TOP1MT: variants seen among roughly 807,000 people sequenced by gnomAD.
TOP1MT encodes DNA topoisomerase I, mitochondrial.
TOP1MT carries 80 observed loss-of-function variants against 73.9 expected under a neutral mutation model. That is an observed-to-expected ratio of 1.08 (90% confidence interval 0.90 to 1.30). TOP1MT has a LOEUF of 1.30. Ranked by LOEUF, TOP1MT falls within the 50% of genes most tolerant of loss-of-function variation. The probability of loss-of-function intolerance (pLI) is 0.00; values close to 1 mark genes in which losing one functional copy is unlikely to be tolerated. For synonymous variants in TOP1MT, 338 were observed against 326.4 expected (o/e 1.04, Z -0.38); for missense variants, 815 against 808.0 (o/e 1.01, Z -0.10).
intron 7 of TOP1MT, among the ~76,000 whole-genome samples, chr8:143,322,623 AGG>A (rs1816495224): frequency 8.1e-6 from 1 of 122,816 alleles, no homozygotes; most frequent in Non-Finnish European, 1.6e-5. Context: ...CATGCCACAC[AGG>A]CACGTCACAC....
rs201456967 is a variant in TOP1MT at position 143,334,797 on chromosome 8, C to T, written c.65G>A (p.Arg22His). The T allele has an allele frequency of 1.0e-3, 1,621 of 1,580,396 alleles. 2 individuals are homozygous for T. Among genetic ancestry groups the T allele is most frequent in the Non-Finnish European group, 1.3e-3 (1,511 of 1,167,920 alleles). Residue 22 changes from arginine to histidine, a missense_variant, in exon 1 of 14, where the codon CGC (arginine) becomes CAC (histidine). This residue lies in a region of TOP1MT where 60 missense variants were observed against 65.9 expected (regional missense o/e 0.91). Coordinates refer to ENST00000329245, the MANE Select transcript of TOP1MT (RefSeq NM_052963.3). ...ALTLLGEVPR[R>H]PASRGVPGSR... ...GCCCGGGACACCCCGGGAGGCCGGG[C>T]GGCGGGGGACCTCCCCGAGCAGCGT...
chr8:143,352,895 G>C (rs1453198968), intron 1 of TOP1MT, among the ~76,000 whole-genome samples: 2 of 152,180 alleles, frequency 1.3e-5, no homozygotes, highest in African/African-American at 4.8e-5. Flanking sequence ...AAAGTGCTGG[G>C]ATCATAGGCA....
upstream of TOP1MT, among the ~76,000 whole-genome samples, chr8:143,348,522 C>G (rs1359675210): frequency 6.6e-6 from 1 of 151,940 alleles, no homozygotes; most frequent in African/African-American, 2.4e-5. The surrounding 1 kb of genome is among the most constrained non-coding windows in gnomAD (Gnocchi z 4.6). Context: ...AAAGGGGTGC[C>G]CTGCAGGGGT....
intron 1 of TOP1MT, chr8:143,343,510 G>A (rs537394567): frequency 1.2e-4 from 38 of 327,486 alleles, no homozygotes; most frequent in East Asian, 6.2e-4. Flanking sequence ...GGGAAGTCCC[G>A]CCCGAGGCCA....
rs182178955 is a variant in TOP1MT at position 143,314,548 on chromosome 8, C to T, written c.1553+1179G>A. ...GGCGGAGGTTGCAGTGAGCTGAGAC[C>T]GCGCCAGCGCACTCCAGCCTGGCGA... On this transcript the variant is annotated intron_variant, in intron 12 of 13. Transcript: ENST00000329245. Among the ~76,000 whole-genome samples, 22 of 149,016 alleles carry T rather than the reference C, an allele frequency of 1.5e-4. No individual in the cohort carries two copies. In the East Asian group the frequency reaches 4.0e-3, roughly 27 times the overall value.
At chr8:143,314,268 C>T (rs1043163868) in intron 12 of TOP1MT, among the ~76,000 whole-genome samples, 18 of 152,184 alleles carry the variant, frequency 1.2e-4, no homozygotes, top group African/African-American at 4.1e-4. Flanking sequence ...ATGTGTCCCA[C>T]TCTTGTCCAC....
intron 12 of TOP1MT, among the ~76,000 whole-genome samples, chr8:143,315,526 A>G (rs28432960): frequency 0.13 from 19,007 of 151,794 alleles, 1,359 homozygotes; most frequent in African/African-American, 0.2. Flanking sequence ...GGCCACTACC[A>G]GTCTCCGCGT....
chr8:143,330,037 C>G (rs902259192), intron 2 of TOP1MT, among the ~76,000 whole-genome samples: 7 of 152,184 alleles, frequency 4.6e-5, no homozygotes, highest in African/African-American at 9.7e-5. Flanking sequence ...GTCTGAAAAG[C>G]TTTCATAAGA....
intron 1 of TOP1MT, 80 bp downstream of exon 1, chr8:143,334,660 G>C: frequency 6.4e-7 from 1 of 1,555,694 alleles, no homozygotes; most frequent in Non-Finnish European, 8.7e-7. Flanking sequence ...GCCGTCCCAC[G>C]AGGCCTGCCA....
chr8:143,359,082 T>A (rs1203557801), upstream of TOP1MT, among the ~76,000 whole-genome samples: 3 of 151,488 alleles, frequency 2.0e-5, no homozygotes, highest in Non-Finnish European at 4.4e-5. Context: ...GCTCAAACGA[T>A]CCTCCTGCCT....
At chr8:143,352,885 A>T (rs117022192) in intron 1 of TOP1MT, among the ~76,000 whole-genome samples, 2 of 152,326 alleles carry the variant, frequency 1.3e-5, no homozygotes, top group East Asian at 3.9e-4. Context: ...TCAGCCTCCC[A>T]AAGTGCTGGG....
intron 1 of TOP1MT, among the ~76,000 whole-genome samples, chr8:143,355,707 G>A (rs538818685): frequency 1.1e-4 from 17 of 152,304 alleles, no homozygotes; most frequent in South Asian, 4.1e-4. Context: ...CCCCCGACAC[G>A]AATGTGCAAG....
intron 7 of TOP1MT, among the ~76,000 whole-genome samples, chr8:143,322,457 T>TGCCACACAGGCAC (rs1275181254): frequency 8.8e-5 from 5 of 56,768 alleles, no homozygotes; most frequent in Admixed American, 2.5e-4. Context: ...CACACAGGCA[T>TGCCACACAGGCAC]GCCACACAGG....
At chr8:143,351,585 AAAAAAAAG>A (rs912853973) in intron 1 of TOP1MT, among the ~76,000 whole-genome samples, 10 of 151,938 alleles carry the variant, frequency 6.6e-5, no homozygotes, top group Non-Finnish European at 1.0e-4. Flanking sequence ...GTCTCAAAAA[AAAAAAAAG>A]AAAAAAAGAA....
upstream of TOP1MT, among the ~76,000 whole-genome samples, chr8:143,347,688 G>C (rs866539626): frequency 5.3e-5 from 8 of 149,986 alleles, no homozygotes; most frequent in Non-Finnish European, 1.0e-4. Flanking sequence ...CAGCAGGCAG[G>C]CAGCCAGCCA....
chr8:143,324,415 C>T, intron 6 of TOP1MT, 70 bp downstream of exon 6: 2 of 1,605,454 alleles, frequency 1.2e-6, no homozygotes, highest in Non-Finnish European at 8.5e-7. Context: ...GCCCGGCTTA[C>T]ACACCTCCCT....
rs1409250587 is a variant in TOP1MT, at chr8:143,331,304, C to T, written c.158G>A (p.Trp53Ter). 2 of 1,612,876 alleles carry T rather than the reference C, an allele frequency of 1.2e-6. No individual in the cohort carries two copies. The highest frequency in any genetic ancestry group is 1.3e-5 in the African/African-American group (1 of 75,034). Residue 53 changes from tryptophan (W) to a stop codon, truncating the protein, a stop_gained, in exon 2 of 14, where the codon TGG becomes TAG. Coordinates refer to ENST00000329245, the MANE Select transcript of TOP1MT (RefSeq NM_052963.3). LOFTEE classifies it high-confidence loss of function. Reference sequence around the variant, plus strand: ...CGGGCCCTTGTGCTCCAGCTGTCTCCACTTCACCCCGTCTTCGTGCTTCTC... The same window carrying T: ...CGGGCCCTTGTGCTCCAGCTGTCTCTACTTCACCCCGTCTTCGTGCTTCTC... Reference protein sequence around the residue: ...EKEKHEDGVKWRQLEHKGPYF... With the variant: ...EKEKHEDGVK
chr8:143,352,323 G>C (rs956364921), intron 1 of TOP1MT, among the ~76,000 whole-genome samples: 16 of 152,164 alleles, frequency 1.1e-4, no homozygotes, highest in Middle Eastern at 3.2e-3. Flanking sequence ...AAGACAGCGG[G>C]GCACTGTCAG....
chr8:143,319,321 G>A (rs1816265266), intron 8 of TOP1MT, among the ~76,000 whole-genome samples: 1 of 150,904 alleles, frequency 6.6e-6, no homozygotes, highest in African/African-American at 2.4e-5. Flanking sequence ...TAGAGACTAG[G>A]TCTGGCTCTG....
Sources: gnomAD v4.1 joint callset for allele counts (sites outside exome capture counted in the v4.1 genomes callset) on GRCh38, gnomAD v4.1.1 for gene constraint, gnomAD v4.1.1 regional missense constraint, Gnocchi (gnomAD v3.1) non-coding constraint, MANE v1.5 for transcripts, NCBI Gene and HGNC (gene_info 2026-07-23, HGNC 2026-07-21) for gene names.